Variants in LRP1B observed in about 807,000 individuals in gnomAD.
LRP1B encodes low-density lipoprotein receptor-related protein 1B.
A neutral mutation model predicts 556.6 loss-of-function variants in LRP1B; 217 were observed. That is an observed-to-expected ratio of 0.39 (90% CI 0.35 to 0.44). The LOEUF (loss-of-function observed/expected upper bound fraction) is 0.44, where lower values mean the gene tolerates loss of function less well. LRP1B is among the 20% of genes least tolerant of loss of function. The pLI, the probability that LRP1B is intolerant of heterozygous loss-of-function variation, is 1.00. For missense variants in LRP1B, 5,053 were observed against 5,620.8 expected (o/e 0.90, Z 3.23); for synonymous variants, 2,047 against 1,865.8 (o/e 1.10, Z -2.50).
intron 7 of LRP1B, among the ~76,000 whole-genome samples, chr2:141,166,367 C>CTTT (rs35200370): frequency 4.5e-5 from 6 of 132,736 alleles, no homozygotes; most frequent in Admixed American, 7.7e-5. Context: ...CTCTCTCATT[C>CTTT]TTTTTTTTTT....
intron 55 of LRP1B, among the ~76,000 whole-genome samples, chr2:140,498,789 T>C (rs1292324508): frequency 6.6e-6 from 1 of 151,904 alleles, no homozygotes; most frequent in East Asian, 1.9e-4. Flanking sequence ...GTGCATAATA[T>C]ATACATGTGT....
chr2:140,977,349 A>G (rs1366806), intron 18 of LRP1B, among the ~76,000 whole-genome samples: 146,471 of 152,266 alleles, frequency 0.96, 70,697 homozygotes, highest in Non-Finnish European at 1. Flanking sequence ...TGAGGCTTCT[A>G]TAAATCCAGT....
At chr2:141,713,742 G>T (rs1213846203) in intron 2 of LRP1B, among the ~76,000 whole-genome samples, 1 of 152,066 alleles carries the variant, frequency 6.6e-6, no homozygotes, top group African/African-American at 2.4e-5. Flanking sequence ...TATTTAAAAT[G>T]CATTATGTAT....
chr2:140,633,012 G>A lies in LRP1B; in HGVS notation c.6800-31373C>T, dbSNP rs551683762. On this transcript the variant is annotated intron_variant, in intron 41 of 90. Transcript: ENST00000389484. ...TGGGAGGCGGAGCTTGCAGTGAGCC[G>A]AGATCATGCCACTGCACTCCAGCCT... Among the ~76,000 whole-genome samples, 8 of 150,434 alleles carry A rather than the reference G, an allele frequency of 5.3e-5. No homozygotes were observed. In the South Asian group the frequency reaches 1.3e-3, roughly 24 times the overall value.
chr2:140,654,302 T>C (rs758102637), intron 41 of LRP1B, among the ~76,000 whole-genome samples: 7 of 152,114 alleles, frequency 4.6e-5, no homozygotes, highest in Non-Finnish European at 8.8e-5. Context: ...GAGACAACAA[T>C]TGTGATTGAA....
At chr2:141,542,123 T>A (rs2105211414) in intron 2 of LRP1B, among the ~76,000 whole-genome samples, 1 of 152,168 alleles carries the variant, frequency 6.6e-6, no homozygotes, top group South Asian at 2.1e-4. Flanking sequence ...AGCATATGAT[T>A]TATGACTAGG....
chr2:140,796,243 C>A (rs1243931229), intron 32 of LRP1B, among the ~76,000 whole-genome samples: 1 of 151,940 alleles, frequency 6.6e-6, no homozygotes, highest in Non-Finnish European at 1.5e-5. Context: ...TATGAAATAG[C>A]TGGTATGGTT....
chr2:140,986,308 G>A (rs1268338148), intron 17 of LRP1B, among the ~76,000 whole-genome samples: 2 of 151,970 alleles, frequency 1.3e-5, no homozygotes, highest in South Asian at 2.1e-4. Flanking sequence ...TATAGCACAA[G>A]ACAATGAAAA....
chr2:141,276,908 G>A (rs751955006), intron 3 of LRP1B, among the ~76,000 whole-genome samples: 1 of 151,904 alleles, frequency 6.6e-6, no homozygotes, highest in Non-Finnish European at 1.5e-5. Context: ...TGCCCGCCTC[G>A]GCCTCCCAGA....
intron 20 of LRP1B, among the ~76,000 whole-genome samples, chr2:140,927,383 A>G (rs1694916374): frequency 6.6e-6 from 1 of 152,172 alleles, no homozygotes; most frequent in African/African-American, 2.4e-5. Flanking sequence ...TACGCACATG[A>G]TAAGTAGCAG....
intron 35 of LRP1B, among the ~76,000 whole-genome samples, chr2:140,717,802 G>T (rs1687264698): frequency 6.6e-6 from 1 of 152,088 alleles, no homozygotes; most frequent in African/African-American, 2.4e-5. Context: ...CCATTTATCA[G>T]CAAGCTTTGA....
chr2:140,570,182 T>C (rs1224821016), intron 43 of LRP1B, among the ~76,000 whole-genome samples: 1 of 151,274 alleles, frequency 6.6e-6, no homozygotes, highest in East Asian at 1.9e-4. Context: ...ATACTATAGA[T>C]TGGAGCAGAA....
At chr2:140,643,204 C>T (rs1684365523) in intron 41 of LRP1B, among the ~76,000 whole-genome samples, 1 of 151,988 alleles carries the variant, frequency 6.6e-6, no homozygotes, top group African/African-American at 2.4e-5. Context: ...ACCCAGGACG[C>T]CTTTCCTTAA....
chr2:140,340,474 G>C (rs1055907609), intron 77 of LRP1B, among the ~76,000 whole-genome samples: 12 of 151,176 alleles, frequency 7.9e-5, no homozygotes, highest in Non-Finnish European at 1.3e-4. Flanking sequence ...TGGTGCTTGG[G>C]GTGCTAATTC....
At chr2:141,055,387 A>G (rs1383645694) in intron 9 of LRP1B, 128 bp from the exon 10 acceptor site, 4 of 797,040 alleles carry the variant, frequency 5.0e-6, no homozygotes, top group African/African-American at 1.8e-5. Context: ...ATACTCAACT[A>G]TTTAGCACCA....
intron 43 of LRP1B, among the ~76,000 whole-genome samples, chr2:140,597,882 T>G (rs970193753): frequency 6.6e-6 from 1 of 152,196 alleles, no homozygotes; most frequent in South Asian, 2.1e-4. Flanking sequence ...TTCCAGACCT[T>G]CTTCAGTGCA....
At chr2:140,674,702 T>C (rs1409029607) in intron 41 of LRP1B, among the ~76,000 whole-genome samples, 3 of 152,210 alleles carry the variant, frequency 2.0e-5, no homozygotes, top group Admixed American at 6.5e-5. Context: ...GGGCACGTGT[T>C]CTCAGGACCT....
intron 3 of LRP1B, among the ~76,000 whole-genome samples, chr2:141,461,997 C>T (rs1322611974): frequency 6.6e-6 from 1 of 152,316 alleles, no homozygotes; most frequent in South Asian, 2.1e-4. Flanking sequence ...CATCTTATAC[C>T]ATTTTCCTGC....
chr2:141,918,987 CAT>C (rs1700109953), intron 1 of LRP1B, among the ~76,000 whole-genome samples: 1 of 152,074 alleles, frequency 6.6e-6, no homozygotes, highest in African/African-American at 2.4e-5. Context: ...ACACTTAAGA[CAT>C]ATGAAAATTG....
Sources: allele counts gnomAD v4.1 joint callset (sites outside exome capture counted in the v4.1 genomes callset), GRCh38; gene constraint gnomAD v4.1.1; transcripts MANE v1.5; gene names NCBI Gene and HGNC (gene_info 2026-07-23, HGNC 2026-07-21).